The following NCBP3 variants were observed in gnomAD, a reference collection of about 807,000 sequenced individuals.
NCBP3 encodes nuclear cap binding subunit 3.
In NCBP3, 20 loss-of-function variants were observed where a neutral mutation model predicts 75.7. The ratio of observed to expected loss-of-function variants is 0.26; its 90% CI spans 0.19 to 0.38. NCBP3 has a LOEUF of 0.38. NCBP3 is among the 10% of genes least tolerant of loss of function. The pLI is 1.00. For missense variants in NCBP3, 678 were observed against 796.9 expected (o/e 0.85, Z 1.80); for synonymous variants, 293 against 290.5 (o/e 1.01, Z -0.09).
chr17:3,813,326 C>G (rs374232791), intron 12 of NCBP3, 47 bp from the exon 13 acceptor site: 45 of 1,606,702 alleles, frequency 2.8e-5, no homozygotes, highest in Non-Finnish European at 3.7e-5. Flanking sequence ...GCGCTAAGAA[C>G]CAGGGTAGCA....
At chr17:3,841,227 G>A (rs1028881538) in intron 2 of NCBP3, among the ~76,000 whole-genome samples, 1 of 151,990 alleles carries the variant, frequency 6.6e-6, no homozygotes, top group African/African-American at 2.4e-5. Flanking sequence ...TGCCTGCCTC[G>A]GCCTCCCAAA....
chr17:3,818,352 T>G lies in NCBP3; in HGVS notation c.1221A>C (p.Glu407Asp). 4.3e-6 allele frequency: 7 copies of G among 1,614,198 alleles called. No individual in the cohort carries two copies. Among genetic ancestry groups the G allele is most frequent in the Non-Finnish European group, 5.9e-6 (7 of 1,180,036 alleles). ...SDSDEMDYDL[E>D]LKMISTPSPK... is the part of the protein sequence containing the mutation. Reference sequence around the variant, plus strand: ...GTGAAGGCGTGGAAATCATTTTCAGTTCTAGATCATAGTCCATTTCATCTG... The same window carrying G: ...GTGAAGGCGTGGAAATCATTTTCAGGTCTAGATCATAGTCCATTTCATCTG... Residue 407 changes from glutamate (E) to aspartate (D), a missense_variant, in exon 10 of 13, where the codon GAA (glutamate) becomes GAC (aspartate). Glu to Asp is a conservative substitution (Grantham distance 45). Around this residue, in one of 7 missense-constraint regions of NCBP3, gnomAD observed 365 missense variants for 392.7 expected, o/e 0.93. Coordinates refer to ENST00000389005, the MANE Select transcript of NCBP3 (RefSeq NM_001114118.3). The surrounding 1 kb of genome is among the most constrained non-coding windows in gnomAD (Gnocchi z 4.7).
In NCBP3 at chr17:3,813,159, GC is replaced by G. The variant is rs926574894; in HGVS notation, c.1747del (p.Ala583LeufsTer2). 1 of 1,614,216 alleles carries G rather than the reference GC, an allele frequency of 6.2e-7. No homozygotes were observed. The highest frequency in any genetic ancestry group is 8.5e-7 in the Non-Finnish European group (1 of 1,180,052). On this transcript the variant is annotated frameshift_variant, in exon 13 of 13. Coordinates refer to ENST00000389005, the MANE Select transcript of NCBP3 (RefSeq NM_001114118.3). LOFTEE classifies it high-confidence loss of function. ...AGACTGCTCTTTCTCCTTAATCAGA[GC>G]CCCCCATGCCCTTTGCAGCTCAGAG... is the stretch of plus-strand genomic sequence containing the variant. ...DDSELQRAWG[A>X]LIKEKEQSRQ...
intron 6 of NCBP3, 102 bp from the exon 7 acceptor site, chr17:3,825,152 A>G: frequency 1.6e-6 from 1 of 608,472 alleles, no homozygotes; most frequent in Non-Finnish European, 2.8e-6. Flanking sequence ...TTTAATACTT[A>G]CAAGCATTAT....
At chr17:3,825,151 T>C in intron 6 of NCBP3, 101 bp from the exon 7 acceptor site, 1 of 608,106 alleles carries the variant, frequency 1.6e-6, no homozygotes, top group South Asian at 2.3e-5. Context: ...CTTTAATACT[T>C]ACAAGCATTA....
At chr17:3,814,578 T>G in intron 11 of NCBP3, 95 bp from the exon 12 acceptor site, 2 of 1,302,986 alleles carry the variant, frequency 1.5e-6, no homozygotes, top group Non-Finnish European at 2.1e-6. Flanking sequence ...CGCTAACCCC[T>G]GCCCCGAGGA....
intron 12 of NCBP3, 96 bp from the exon 13 acceptor site, chr17:3,813,375 G>GA: frequency 7.0e-7 from 1 of 1,435,444 alleles, no homozygotes; most frequent in Non-Finnish European, 9.5e-7. Flanking sequence ...TGCTGTGCAG[G>GA]AAACGCCAGC....
intron 3 of NCBP3, among the ~76,000 whole-genome samples, chr17:3,835,534 G>C (rs1007215323): frequency 6.6e-6 from 1 of 152,272 alleles, no homozygotes; most frequent in Admixed American, 6.5e-5. Flanking sequence ...GCTACTGTAT[G>C]AAAGGACTTC....
Position 3,818,437 on chromosome 17 carries a change from G to A in NCBP3, c.1136C>T (p.Ala379Val). The change falls in exon 10 of 13, where the codon GCT (alanine) becomes GTT (valine). Residue 379 changes from alanine (A) to valine (V), a missense_variant. This residue lies in a region of NCBP3 where 365 missense variants were observed against 392.7 expected (regional missense o/e 0.93). Coordinates refer to ENST00000389005, the MANE Select transcript of NCBP3 (RefSeq NM_001114118.3). The surrounding 1 kb of genome is among the most constrained non-coding windows in gnomAD (Gnocchi z 4.7). ...GCTCCGCTCCCGGGGCTGCTTGAGAGCCGGGAGCTCCTCGTGGTACTCTAC... is the reference window on the plus strand; with the variant it reads ...GCTCCGCTCCCGGGGCTGCTTGAGAACCGGGAGCTCCTCGTGGTACTCTAC... ...VVVEYHEELPALKQPRERSAS... is the reference protein window; with the variant it reads ...VVVEYHEELPVLKQPRERSAS... 2 of 1,614,076 alleles carry A rather than the reference G, an allele frequency of 1.2e-6. No individual in the cohort carries two copies. The highest frequency in any genetic ancestry group is 1.3e-5 in the African/African-American group (1 of 75,036).
In NCBP3 at chr17:3,842,992, A is replaced by G. The variant is rs547800321; in HGVS notation, c.249+94T>C. On this transcript the variant is annotated intron_variant, in intron 2 of 12. Transcript: ENST00000389005. Reference sequence around the variant, plus strand: ...AAAAATTTAAATCCAGCAACAAAATAAAAGAGGAAATATTTACTGTTATGT... The same window carrying G: ...AAAAATTTAAATCCAGCAACAAAATGAAAGAGGAAATATTTACTGTTATGT... 1,787 of 1,078,958 alleles carry G rather than the reference A, an allele frequency of 1.7e-3. 4 individuals are homozygous for G. Among genetic ancestry groups the G allele is most frequent in the Non-Finnish European group, 2.2e-3 (1,622 of 743,304 alleles). 66.8% of individuals were successfully genotyped at this position (1,078,958 alleles called of 1,614,324 possible).
chr17:3,829,979 A>G (rs1031777110), intron 3 of NCBP3, among the ~76,000 whole-genome samples: 2 of 152,096 alleles, frequency 1.3e-5, no homozygotes, highest in Non-Finnish European at 2.9e-5. Flanking sequence ...ACAAGAAGAC[A>G]CCAGTTTTCA....
intron 3 of NCBP3, among the ~76,000 whole-genome samples, chr17:3,834,791 A>G (rs894014217): frequency 1.3e-5 from 2 of 152,048 alleles, no homozygotes; most frequent in African/African-American, 4.8e-5. Context: ...AGGAAATGAC[A>G]ACAGTTCCAT....
intron 6 of NCBP3, among the ~76,000 whole-genome samples, 197 bp from the exon 7 acceptor site, chr17:3,825,247 C>T (rs2053762822): frequency 6.6e-6 from 1 of 152,176 alleles, no homozygotes; most frequent in Non-Finnish European, 1.5e-5. Context: ...CATTCTCTAT[C>T]CCCTACTCTT....
At chr17:3,825,641 C>T (rs2053769861) in intron 6 of NCBP3, 126 bp downstream of exon 6, 4 of 645,528 alleles carry the variant, frequency 6.2e-6, no homozygotes, top group Non-Finnish European at 1.1e-5. Context: ...GAGCCTGGTG[C>T]ACCCTCAGAA....
intron 3 of NCBP3, among the ~76,000 whole-genome samples, chr17:3,833,514 T>C (rs932803958): frequency 2.6e-5 from 4 of 152,042 alleles, no homozygotes; most frequent in East Asian, 1.9e-4. Context: ...TAAATTAAAA[T>C]AGACATGTGA....
chr17:3,833,206 T>C (rs1398419383), intron 3 of NCBP3, among the ~76,000 whole-genome samples: 1 of 152,166 alleles, frequency 6.6e-6, no homozygotes, highest in East Asian at 1.9e-4. Context: ...TGAGCCATGA[T>C]CACACAACTG....
chr17:3,822,096 T>A, intron 7 of NCBP3, 44 bp from the exon 8 acceptor site: 1 of 1,307,972 alleles, frequency 7.6e-7, no homozygotes, highest in Non-Finnish European at 1.1e-6. Flanking sequence ...CCTGTGAGTG[T>A]AAAGACAATG....
At chr17:3,842,771 GAGT>G (rs2054088455) in intron 2 of NCBP3, among the ~76,000 whole-genome samples, 1 of 152,022 alleles carries the variant, frequency 6.6e-6, no homozygotes, top group Non-Finnish European at 1.5e-5. Context: ...TCAGCCTCTT[GAGT>G]AGTTGGGACT....
At chr17:3,830,888 C>T (rs776684862) in intron 3 of NCBP3, among the ~76,000 whole-genome samples, 49 of 143,440 alleles carry the variant, frequency 3.4e-4, no homozygotes, top group Non-Finnish European at 5.5e-4. Flanking sequence ...CAGCCAATTG[C>T]GTACTTTTTT....
Sources: gnomAD v4.1 joint callset for allele counts (sites outside exome capture counted in the v4.1 genomes callset) on GRCh38, gnomAD v4.1.1 for gene constraint, gnomAD v4.1.1 regional missense constraint, Gnocchi (gnomAD v3.1) non-coding constraint, MANE v1.5 for transcripts, NCBI Gene and HGNC (gene_info 2026-07-23, HGNC 2026-07-21) for gene names.